EBF1: variants seen among roughly 807,000 people sequenced by gnomAD.
EBF1 encodes transcription factor COE1.
A neutral mutation model predicts 68.4 loss-of-function variants in EBF1; 10 were observed. The observed-to-expected ratio is 0.15, with a 90% CI of 0.09 to 0.25. The LOEUF (loss-of-function observed/expected upper bound fraction) is 0.25. EBF1 is among the 10% of genes least tolerant of loss of function. EBF1 has a pLI of 1.00. For synonymous variants in EBF1, 298 were observed against 299.8 expected (o/e 0.99, Z 0.06); for missense variants, 509 against 794.4 (o/e 0.64, Z 4.32).
intron 9 of EBF1, among the ~76,000 whole-genome samples, chr5:158,787,653 G>A (rs574105277): frequency 1.1e-4 from 16 of 152,212 alleles, no homozygotes; most frequent in Middle Eastern, 3.4e-3. Flanking sequence ...TGGGACCTTT[G>A]GAAAGTCACT....
intron 11 of EBF1, among the ~76,000 whole-genome samples, chr5:158,730,238 G>A (rs1041407691): frequency 2.0e-5 from 3 of 152,122 alleles, no homozygotes; most frequent in Non-Finnish European, 4.4e-5. Context: ...AACTTCCTTC[G>A]CATTTAACTG....
Position 158,698,147 on chromosome 5 carries a change from C to T in EBF1, c.*964G>A, listed in dbSNP as rs1756041527. 1 of 220,270 alleles carries T rather than the reference C, an allele frequency of 4.5e-6. No homozygotes were observed. Among genetic ancestry groups the T allele is most frequent in the Non-Finnish European group, 9.1e-6 (1 of 109,958 alleles). The allele number at this position is 220,270 out of a possible 1,614,324, so 13.6% of individuals were successfully genotyped here. The stretch of plus-strand genomic sequence containing the variant: ...GAAGTCTGCATTTAGGACGAGTAAA[C>T]TTTAAACTTGCAAATGGGGGAGCGT... On this transcript the variant is annotated 3_prime_UTR_variant, in exon 16 of 16. Coordinates refer to ENST00000313708, the MANE Select transcript of EBF1 (RefSeq NM_024007.5).
intron 6 of EBF1, among the ~76,000 whole-genome samples, chr5:158,887,377 G>C (rs1326057699): frequency 1.3e-5 from 2 of 152,104 alleles, no homozygotes; most frequent in East Asian, 3.9e-4. Context: ...AACCACCCTA[G>C]ATTTTAAAAA....
intron 5 of EBF1, among the ~76,000 whole-genome samples, chr5:159,077,566 A>G (rs1778995765): frequency 6.6e-6 from 1 of 152,130 alleles, no homozygotes; most frequent in Non-Finnish European, 1.5e-5. Context: ...ACCTGAATAT[A>G]AGCCCCACAA....
chr5:158,728,588 G>A (rs1426570265), intron 11 of EBF1, among the ~76,000 whole-genome samples: 1 of 152,040 alleles, frequency 6.6e-6, no homozygotes, highest in African/African-American at 2.4e-5. Flanking sequence ...TTTGAGACAG[G>A]GTCTTCTGGC....
intron 6 of EBF1, among the ~76,000 whole-genome samples, chr5:158,909,118 G>A (rs1583074894): frequency 1.4e-5 from 2 of 143,914 alleles, no homozygotes; most frequent in African/African-American, 2.6e-5. Flanking sequence ...ATGGGCAGCA[G>A]AAAAAAAAAA....
intron 6 of EBF1, among the ~76,000 whole-genome samples, chr5:159,042,969 G>C (rs1771549842): frequency 6.6e-6 from 1 of 152,094 alleles, no homozygotes; most frequent in Non-Finnish European, 1.5e-5. Flanking sequence ...TCTCTGGAAA[G>C]GATAAGGCCT....
chr5:159,062,276 C>T (rs539256230), intron 6 of EBF1, among the ~76,000 whole-genome samples: 1 of 152,340 alleles, frequency 6.6e-6, no homozygotes, highest in South Asian at 2.1e-4. Flanking sequence ...TGCTTCTCCT[C>T]CCTCTTCCCA....
intron 6 of EBF1, among the ~76,000 whole-genome samples, chr5:158,888,606 T>A (rs1172345272): frequency 6.6e-6 from 1 of 152,058 alleles, no homozygotes; most frequent in African/African-American, 2.4e-5. Context: ...CCAGTAAAAA[T>A]TGACAAATTA....
chr5:159,001,227 T>C (rs1762468450), intron 6 of EBF1, among the ~76,000 whole-genome samples: 1 of 152,218 alleles, frequency 6.6e-6, no homozygotes. Flanking sequence ...TAACATGTGA[T>C]GGGGTTGCTA....
chr5:159,006,644 T>C (rs1252561190), intron 6 of EBF1, among the ~76,000 whole-genome samples: 2 of 34,902 alleles, frequency 5.7e-5, no homozygotes, highest in African/African-American at 3.2e-4. Flanking sequence ...ATCATAGCCA[T>C]GTTAAAAAAA....
intron 6 of EBF1, among the ~76,000 whole-genome samples, chr5:159,023,229 T>C (rs1250136890): frequency 4.0e-5 from 6 of 151,042 alleles, no homozygotes; most frequent in African/African-American, 1.2e-4. Flanking sequence ...ACTCATTTTA[T>C]GCAAATGGCT....
intron 6 of EBF1, among the ~76,000 whole-genome samples, chr5:159,000,567 A>G (rs1762335736): frequency 6.6e-6 from 1 of 152,254 alleles, no homozygotes; most frequent in African/African-American, 2.4e-5. Flanking sequence ...GTCACTTCAA[A>G]GAAAACTATT....
intron 6 of EBF1, among the ~76,000 whole-genome samples, chr5:159,029,607 T>G (rs1166503718): frequency 6.6e-6 from 1 of 152,190 alleles, no homozygotes; most frequent in Non-Finnish European, 1.5e-5. Context: ...AAAAAGAAGT[T>G]CTAATAATTT....
At chr5:158,976,792 C>T (rs1018853977) in intron 6 of EBF1, among the ~76,000 whole-genome samples, 1 of 152,166 alleles carries the variant, frequency 6.6e-6, no homozygotes, top group Non-Finnish European at 1.5e-5. Context: ...CATCACAGTA[C>T]TGATTAAAGA....
At chr5:159,064,961 A>G (rs1353752148) in intron 6 of EBF1, among the ~76,000 whole-genome samples, 1 of 110,700 alleles carries the variant, frequency 9.0e-6, no homozygotes, top group African/African-American at 3.5e-5. Context: ...GTATGTGCGT[A>G]TGTGTGTGGT....
intron 4 of EBF1, among the ~76,000 whole-genome samples, chr5:159,089,577 T>C (rs1452890814): frequency 6.6e-6 from 1 of 152,130 alleles, no homozygotes; most frequent in African/African-American, 2.4e-5. Context: ...GAATTGAACA[T>C]GGTTTTTCTG....
chr5:158,837,521 A>G lies in EBF1; in HGVS notation c.636+2508T>C, dbSNP rs548025782. ...GAGGAAACTGAAGCTCCAAAGGATT[A>G]TAAGACTTTCCAGATATCTATGTTG... is the stretch of plus-strand genomic sequence containing the variant. On this transcript the variant is annotated intron_variant, in intron 7 of 15. Transcript: ENST00000313708. 2.6e-5 allele frequency among the ~76,000 whole-genome samples: 4 copies of G among 152,354 alleles called. No individual in the cohort carries two copies. The South Asian group carries it at 8.3e-4, about 32-fold the overall frequency.
intron 9 of EBF1, among the ~76,000 whole-genome samples, chr5:158,779,467 G>C (rs922513495): frequency 6.6e-6 from 1 of 152,068 alleles, no homozygotes; most frequent in Non-Finnish European, 1.5e-5. Context: ...TGTGTTTTCT[G>C]TACCTATGCT....
Sources: gnomAD v4.1 joint callset for allele counts (sites outside exome capture counted in the v4.1 genomes callset) on GRCh38, gnomAD v4.1.1 for gene constraint, MANE v1.5 for transcripts, NCBI Gene and HGNC (gene_info 2026-07-23, HGNC 2026-07-21) for gene names.